The following HSPB8 variants were observed in gnomAD, a reference collection of about 807,000 sequenced individuals.
The protein encoded by HSPB8 is heat shock protein beta-8.
In HSPB8, 9 loss-of-function variants were observed where a neutral mutation model predicts 16.5. The observed-to-expected ratio is 0.55, with a 90% CI of 0.33 to 0.95. The LOEUF is 0.95. Among genes scored for constraint, HSPB8 ranks in the 40% least tolerant of loss-of-function variants. The pLI, the probability that HSPB8 is intolerant of heterozygous loss-of-function variation, is 0.03. For missense variants in HSPB8, 238 were observed against 251.2 expected (o/e 0.95, Z 0.35); for synonymous variants, 99 against 94.8 (o/e 1.04, Z -0.26).
intron 1 of HSPB8, among the ~76,000 whole-genome samples, chr12:119,185,233 T>C (rs924636122): frequency 6.6e-6 from 1 of 151,790 alleles, no homozygotes; most frequent in Admixed American, 6.6e-5. Flanking sequence ...TAGCTTACTG[T>C]AACCTCAAAC....
In HSPB8 at chr12:119,194,030, G is replaced by T; in HGVS notation, c.*172G>T. 1 of 734,666 alleles carries T rather than the reference G, an allele frequency of 1.4e-6. No homozygotes were observed. Among genetic ancestry groups the T allele is most frequent in the Non-Finnish European group, 2.3e-6 (1 of 427,154 alleles). 45.5% of individuals were successfully genotyped at this position (734,666 alleles called of 1,614,324 possible). The stretch of plus-strand genomic sequence containing the variant: ...AGTGTAGTGGTAGATTTCTCCACAG[G>T]ATAGCGCAATTGGCAAATCATGCTT... On this transcript the variant is annotated 3_prime_UTR_variant, in exon 3 of 3. Transcript: ENST00000281938.
At chr12:119,186,681 T>G in intron 1 of HSPB8, 3 of 321,416 alleles carry the variant, frequency 9.3e-6, no homozygotes, top group Non-Finnish European at 1.2e-5. Context: ...AGAAGAGGAG[T>G]CAGGTGGGAG....
rs60310566 is a variant in HSPB8, at chr12:119,189,302, GGTGTGTGTGT to G, written c.431+2245_431+2254del. Among the ~76,000 whole-genome samples the G allele has an allele frequency of 1.5e-3, 211 of 143,406 alleles. 1 individual carries two copies. The highest frequency in any genetic ancestry group is 2.1e-3 in the Admixed American group (30 of 14,306). 94.1% of individuals were successfully genotyped at this position (143,406 alleles called of 152,430 possible). A position where few individuals can be genotyped will look rare whatever the true frequency, so the allele number is the denominator to read the frequency against. On this transcript the variant is annotated intron_variant, in intron 2 of 2. Coordinates refer to ENST00000281938, the MANE Select transcript of HSPB8 (RefSeq NM_014365.3). ...GAAGTGAATTAATCATCTTAAAAGG[GGTGTGTGTGT>G]GTGTGTGTGTGTGTGTGTGTGTGTG...
intron 1 of HSPB8, among the ~76,000 whole-genome samples, chr12:119,184,178 C>T (rs1252343066): frequency 6.6e-6 from 1 of 152,180 alleles, no homozygotes; most frequent in Non-Finnish European, 1.5e-5. Flanking sequence ...ACCTTGGATA[C>T]AGCACTTAAC....
rs181244630 is a variant in HSPB8 at position 119,193,374 on chromosome 12, G to A, written c.432-325G>A. ...ATGACTTCAACCTGGGACCAAATAT[G>A]TGGGCCACAGCTCTCTTTTAAGTTA... On this transcript the variant is annotated intron_variant, in intron 2 of 2. Transcript: ENST00000281938. 3.7e-3 allele frequency among the ~76,000 whole-genome samples: 561 copies of A among 152,324 alleles called. 4 individuals carry two copies. Among genetic ancestry groups the A allele is most frequent in the African/African-American group, 0.013 (538 of 41,566 alleles).
rs1297217590 is a variant in HSPB8 at position 119,194,042 on chromosome 12, G to A, written c.*184G>A. 7.4e-6 allele frequency: 5 copies of A among 679,394 alleles called. No individual in the cohort carries two copies. The highest frequency in any genetic ancestry group is 1.3e-5 in the Non-Finnish European group (5 of 386,684). The allele number at this position is 679,394 out of a possible 1,614,324, so 42.1% of individuals were successfully genotyped here. A position where few individuals can be genotyped will look rare whatever the true frequency, so the allele number is the denominator to read the frequency against. On this transcript the variant is annotated 3_prime_UTR_variant, in exon 3 of 3. Coordinates refer to ENST00000281938, the MANE Select transcript of HSPB8 (RefSeq NM_014365.3). ...GATTTCTCCACAGGATAGCGCAATT[G>A]GCAAATCATGCTTGGTTGTGTTAGG...
intron 2 of HSPB8, among the ~76,000 whole-genome samples, chr12:119,190,278 T>G (rs559401593): frequency 6.6e-6 from 1 of 152,268 alleles, no homozygotes; most frequent in African/African-American, 2.4e-5. Context: ...CTGGGACACC[T>G]CTGGACCAAT....
rs1310691644 is a variant in HSPB8, at chr12:119,188,245, CTCT to C, written c.431+1159_431+1161del. 2.3e-3 allele frequency among the ~76,000 whole-genome samples: 221 copies of C among 94,092 alleles called. 1 individual carries two copies. Among genetic ancestry groups the C allele is most frequent in the East Asian group, 0.016 (67 of 4,146 alleles). 61.7% of individuals were successfully genotyped at this position (94,092 alleles called of 152,430 possible). ...CCCTAAACTCTCTCTCTCTCTCTCT[CTCT>C]TTTTTTTTTTTTTTTTGAGATGGAG... is the stretch of plus-strand genomic sequence containing the variant. On this transcript the variant is annotated intron_variant, in intron 2 of 2. Transcript: ENST00000281938.
At chr12:119,187,837 TCTGCC>T (rs896673662) in intron 2 of HSPB8, among the ~76,000 whole-genome samples, 30 of 152,186 alleles carry the variant, frequency 2.0e-4, no homozygotes, top group African/African-American at 7.2e-4. Context: ...TTGCTCAGCC[TCTGCC>T]CTGCCAGGAA....
Position 119,179,215 on chromosome 12 carries a change from A to G in HSPB8, c.-98A>G. The G allele has an allele frequency of 7.7e-7, 1 of 1,292,300 alleles. No homozygotes were observed. Among genetic ancestry groups the G allele is most frequent in the Non-Finnish European group, 1.1e-6 (1 of 900,644 alleles). The allele number at this position is 1,292,300 out of a possible 1,614,324, so 80.1% of individuals were successfully genotyped here. A position where few individuals can be genotyped will look rare whatever the true frequency, so the allele number is the denominator to read the frequency against. On this transcript the variant is annotated 5_prime_UTR_variant, in exon 1 of 3. Coordinates refer to ENST00000281938, the MANE Select transcript of HSPB8 (RefSeq NM_014365.3). ...GAAAAGCAGCATTTTCGGAAGCTGA[A>G]GAATAAGCTAGCCCAGCCACACCAC...
At chr12:119,193,602 C>T in intron 2 of HSPB8, 97 bp from the exon 3 acceptor site, 2 of 1,341,286 alleles carry the variant, frequency 1.5e-6, no homozygotes, top group Admixed American at 3.7e-5. Context: ...TCCCCAAAGC[C>T]TAAGCTCTTA....
At chr12:119,181,857 A>G (rs1954639949) in intron 1 of HSPB8, among the ~76,000 whole-genome samples, 1 of 152,208 alleles carries the variant, frequency 6.6e-6, no homozygotes, top group South Asian at 2.1e-4. Context: ...TATGCAGACT[A>G]TCTATGATAA....
intron 2 of HSPB8, among the ~76,000 whole-genome samples, chr12:119,189,368 G>T (rs1333291810): frequency 6.6e-6 from 1 of 150,638 alleles, no homozygotes; most frequent in Non-Finnish European, 1.5e-5. Flanking sequence ...AGGCCTTAGG[G>T]GAGATAGCTT....
Position 119,184,312 on chromosome 12 carries a change from G to T in HSPB8, c.368-2713G>T, listed in dbSNP as rs1286676550. On this transcript the variant is annotated intron_variant, in intron 1 of 2. Coordinates refer to ENST00000281938, the MANE Select transcript of HSPB8 (RefSeq NM_014365.3). The stretch of plus-strand genomic sequence containing the variant: ...TTAAAGGAGTTGATACAGATAAGGT[G>T]CTTAGAACAGTGGCTGACACCAAGG... Among the ~76,000 whole-genome samples the T allele has an allele frequency of 2.0e-5, 3 of 152,320 alleles. No individual in the cohort carries two copies. In the East Asian group the frequency reaches 5.8e-4, roughly 29 times the overall value.
In HSPB8 at chr12:119,178,993, C is replaced by T. The variant is rs532901147; in HGVS notation, c.-320C>T. Reference sequence around the variant, plus strand: ...AAGCTCCTGGCTCCGCTCTAGACCTCAGCGGTTCTGGCTGCCAGCCTGGGC... The same window carrying T: ...AAGCTCCTGGCTCCGCTCTAGACCTTAGCGGTTCTGGCTGCCAGCCTGGGC... On this transcript the variant is annotated 5_prime_UTR_variant, in exon 1 of 3. Coordinates refer to ENST00000281938, the MANE Select transcript of HSPB8 (RefSeq NM_014365.3). The T allele has an allele frequency of 8.7e-4, 408 of 469,470 alleles. 2 individuals are homozygous for T. The highest frequency in any genetic ancestry group is 7.3e-3 in the African/African-American group (370 of 50,974). 29.1% of individuals were successfully genotyped at this position (469,470 alleles called of 1,614,324 possible).
At chr12:119,188,713 T>A (rs1954692610) in intron 2 of HSPB8, among the ~76,000 whole-genome samples, 2 of 152,162 alleles carry the variant, frequency 1.3e-5, no homozygotes, top group Admixed American at 1.3e-4. Flanking sequence ...CCAGAATAGA[T>A]CCCTGACCTC....
chr12:119,188,478 C>A (rs1257542959), intron 2 of HSPB8, among the ~76,000 whole-genome samples: 2 of 151,936 alleles, frequency 1.3e-5, no homozygotes, highest in Non-Finnish European at 2.9e-5. Context: ...GATCTCCTGA[C>A]TTCAAGTGAT....
rs757053117 is a variant in HSPB8, at chr12:119,193,878, C to G, written c.*20C>G. The G allele has an allele frequency of 6.2e-7, 1 of 1,613,548 alleles. No homozygotes were observed. Among genetic ancestry groups the G allele is most frequent in the Non-Finnish European group, 8.5e-7 (1 of 1,179,606 alleles). On this transcript the variant is annotated 3_prime_UTR_variant, in exon 3 of 3. Coordinates refer to ENST00000281938, the MANE Select transcript of HSPB8 (RefSeq NM_014365.3). ...ACCTGAGATGCCAGTACTGGCCCAT[C>G]CTTGTTTTGTCCCCAACCCTAGGGC...
Position 119,189,985 on chromosome 12 carries a change from G to A in HSPB8, c.431+2897G>A, listed in dbSNP as rs1954702500. On this transcript the variant is annotated intron_variant, in intron 2 of 2. Transcript: ENST00000281938. ...TTAAATATTTTGAATCTCAGCTCCGGGTGCAGGGAGTCCTGGCTCCATGAG... is the reference window on the plus strand; with the variant it reads ...TTAAATATTTTGAATCTCAGCTCCGAGTGCAGGGAGTCCTGGCTCCATGAG... 2.0e-5 allele frequency among the ~76,000 whole-genome samples: 3 copies of A among 152,142 alleles called. No homozygotes were observed. In the South Asian group the frequency reaches 6.2e-4, roughly 32 times the overall value.
Sources: allele counts gnomAD v4.1 joint callset (sites outside exome capture counted in the v4.1 genomes callset), GRCh38; gene constraint gnomAD v4.1.1; transcripts MANE v1.5; gene names NCBI Gene and HGNC (gene_info 2026-07-23, HGNC 2026-07-21).